The following WWTR1 variants were observed in gnomAD, a reference collection of about 807,000 sequenced individuals.
WWTR1 encodes WW domain-containing transcription regulator protein 1.
In WWTR1, 13 loss-of-function variants were observed where a neutral mutation model predicts 40.1. The observed-to-expected ratio is 0.32, with a 90% CI of 0.21 to 0.52. The LOEUF is 0.52. WWTR1 is among the 20% of genes least tolerant of loss of function. The pLI, the probability that WWTR1 is intolerant of heterozygous loss-of-function variation, is 0.97. For synonymous variants in WWTR1, 230 were observed against 210.1 expected (o/e 1.09, Z -0.82); for missense variants, 436 against 523.1 (o/e 0.83, Z 1.63).
At chr3:149,521,277 A>G (rs767384772) in intron 6 of WWTR1, among the ~76,000 whole-genome samples, 2 of 152,220 alleles carry the variant, frequency 1.3e-5, no homozygotes, top group African/African-American at 2.4e-5. Flanking sequence ...ACTGTTTTAC[A>G]AAAGAGTAGA....
chr3:149,572,577 G>C (rs1737688541), intron 3 of WWTR1, among the ~76,000 whole-genome samples: 1 of 152,140 alleles, frequency 6.6e-6, no homozygotes, highest in South Asian at 2.1e-4. Flanking sequence ...TTGCAGCCAA[G>C]AAGAAGGAGC....
chr3:149,547,044 G>T (rs1403640060), intron 3 of WWTR1, among the ~76,000 whole-genome samples: 1 of 152,032 alleles, frequency 6.6e-6, no homozygotes, highest in Non-Finnish European at 1.5e-5. Flanking sequence ...CTTCACTTGT[G>T]GTTGAGGTTC....
At chr3:149,677,743 G>A (rs920407398) in intron 1 of WWTR1, among the ~76,000 whole-genome samples, 2 of 152,104 alleles carry the variant, frequency 1.3e-5, no homozygotes, top group African/African-American at 4.8e-5. Context: ...GGGAGGCTGA[G>A]GCAGGAGAAT....
At chr3:149,671,582 T>C (rs1474107874) in intron 1 of WWTR1, among the ~76,000 whole-genome samples, 2 of 152,216 alleles carry the variant, frequency 1.3e-5, no homozygotes, top group Non-Finnish European at 2.9e-5. Flanking sequence ...ATTTTCATGA[T>C]GTTATTAATA....
At chr3:149,568,523 CAAAAAAAAAAAA>C (rs34414853) in intron 3 of WWTR1, among the ~76,000 whole-genome samples, 61 of 64,794 alleles carry the variant, frequency 9.4e-4, no homozygotes, top group Non-Finnish European at 1.5e-3. Flanking sequence ...AATTAAAGTG[CAAAAAAAAAAAA>C]AAAAAAAAAA....
At chr3:149,609,060 C>A (rs1236577796) in intron 2 of WWTR1, among the ~76,000 whole-genome samples, 2 of 152,012 alleles carry the variant, frequency 1.3e-5, no homozygotes, top group Non-Finnish European at 2.9e-5. Context: ...CAAAGTGAGA[C>A]CTTGTCTCAA....
chr3:149,666,257 T>C (rs1299742370), intron 2 of WWTR1, among the ~76,000 whole-genome samples: 1 of 152,184 alleles, frequency 6.6e-6, no homozygotes, highest in East Asian at 1.9e-4. Context: ...ACACTTTTCA[T>C]GCCTGGTCAA....
intron 2 of WWTR1, among the ~76,000 whole-genome samples, chr3:149,638,320 A>G (rs1481579317): frequency 6.6e-6 from 1 of 152,200 alleles, no homozygotes; most frequent in Non-Finnish European, 1.5e-5. Context: ...AGCTTCCTTC[A>G]GGCCTGTTTA....
intron 5 of WWTR1, among the ~76,000 whole-genome samples, chr3:149,527,413 C>T (rs908429306): frequency 6.6e-6 from 1 of 152,086 alleles, no homozygotes; most frequent in Admixed American, 6.5e-5. Context: ...TCCCAAAGTG[C>T]TGGGATTATA....
chr3:149,585,826 A>G (rs1028120851), intron 2 of WWTR1, among the ~76,000 whole-genome samples: 16 of 152,350 alleles, frequency 1.1e-4, no homozygotes, highest in African/African-American at 3.6e-4. Flanking sequence ...GTTTTAATCT[A>G]ATTTAATTTT....
At chr3:149,530,082 T>A (rs750256621) in intron 4 of WWTR1, among the ~76,000 whole-genome samples, 32 of 152,164 alleles carry the variant, frequency 2.1e-4, no homozygotes, top group Non-Finnish European at 3.5e-4. Flanking sequence ...GGGCGGTGGC[T>A]CACACCTGTA....
At chr3:149,662,870 C>G (rs1471471049), upstream of WWTR1, among the ~76,000 whole-genome samples, 1 of 152,134 alleles carries the variant, frequency 6.6e-6, no homozygotes, top group Non-Finnish European at 1.5e-5. Context: ...TGGCCTAATT[C>G]GTTAATACAC....
chr3:149,523,334 C>T (rs926891282), intron 6 of WWTR1, among the ~76,000 whole-genome samples: 9 of 152,022 alleles, frequency 5.9e-5, no homozygotes, highest in South Asian at 2.1e-4. Flanking sequence ...CTGCAACCTC[C>T]GCCTCCTGGG....
chr3:149,677,073 C>T (rs761545157), intron 1 of WWTR1, among the ~76,000 whole-genome samples: 3 of 151,978 alleles, frequency 2.0e-5, no homozygotes, highest in Non-Finnish European at 4.4e-5. Context: ...TGCGCCACCA[C>T]GCCCAGCTAA....
At chr3:149,717,784 A>C (rs540301890) in intron 4 of WWTR1, among the ~76,000 whole-genome samples, 1 of 152,302 alleles carries the variant, frequency 6.6e-6, no homozygotes, top group Non-Finnish European at 1.5e-5. Flanking sequence ...ATAAAAATTC[A>C]TACATTTGGA....
chr3:149,656,960 T>C lies in WWTR1; in HGVS notation c.347A>G (p.Gln116Arg), dbSNP rs763707772. ...CAGCTCGTCGGTCACGTCGTAGGAC[T>C]GCTGGCGGAGGTGCGCGTGCTGCTG... Reference protein sequence around the residue: ...PAQQHAHLRQQSYDVTDELPL... With the variant: ...PAQQHAHLRQRSYDVTDELPL... The change falls in exon 2 of 7, where the codon CAG (glutamine) becomes CGG (arginine). Residue 116 changes from glutamine (Q) to arginine (R), a missense_variant. Physicochemically the swap from Gln to Arg is conservative, Grantham distance 43. Coordinates refer to ENST00000360632, the MANE Select transcript of WWTR1 (RefSeq NM_015472.6). 84 of 1,596,354 alleles carry C rather than the reference T, an allele frequency of 5.3e-5. No individual in the cohort carries two copies. Among genetic ancestry groups the C allele is most frequent in the Non-Finnish European group, 6.8e-6 (8 of 1,175,114 alleles).
At chr3:149,691,529 A>G (rs1714826466) in intron 1 of WWTR1, among the ~76,000 whole-genome samples, 1 of 152,122 alleles carries the variant, frequency 6.6e-6, no homozygotes, top group Admixed American at 6.5e-5. Context: ...TACTATGAGC[A>G]ACTATATGCC....
intron 2 of WWTR1, among the ~76,000 whole-genome samples, chr3:149,649,510 G>C (rs1204847857): frequency 6.6e-6 from 1 of 152,236 alleles, no homozygotes; most frequent in Non-Finnish European, 1.5e-5. Context: ...CACTGAGCAA[G>C]TGAACATCAT....
chr3:149,556,403 AC>A (rs2107965262), intron 3 of WWTR1, among the ~76,000 whole-genome samples: 1 of 152,124 alleles, frequency 6.6e-6, no homozygotes, highest in South Asian at 2.1e-4. Flanking sequence ...ACATAGTGAA[AC>A]CCCGTCTCTA....
Sources: allele counts gnomAD v4.1 joint callset (sites outside exome capture counted in the v4.1 genomes callset), GRCh38; gene constraint gnomAD v4.1.1; transcripts MANE v1.5; gene names NCBI Gene and HGNC (gene_info 2026-07-23, HGNC 2026-07-21).